The following RORB variants were observed in gnomAD, a reference collection of about 807,000 sequenced individuals.
The protein encoded by RORB is nuclear receptor ROR-beta.
RORB carries 6 observed loss-of-function variants against 59.1 expected under a neutral mutation model. The ratio of observed to expected loss-of-function variants is 0.10; its 90% CI spans 0.06 to 0.20. The LOEUF (loss-of-function observed/expected upper bound fraction) is 0.20, where lower values mean the gene tolerates loss of function less well. Ranked by LOEUF, RORB falls within the 10% of genes least tolerant of loss-of-function variation. RORB has a pLI of 1.00. For synonymous variants in RORB, 215 were observed against 204.5 expected, an observed-to-expected ratio of 1.05 and a Z score of -0.44; for missense variants, 320 against 560.5, an observed-to-expected ratio of 0.57 and a Z score of 4.33.
intron 1 of RORB, among the ~76,000 whole-genome samples, chr9:74,564,107 A>G (rs1011299446): frequency 1.3e-5 from 2 of 152,158 alleles, no homozygotes; most frequent in Non-Finnish European, 2.9e-5. Flanking sequence ...TATATAAAGA[A>G]TTCTAATCTA....
In RORB at chr9:74,691,743, G is replaced by A. The variant is rs768188737; in HGVS notation, c.*6125G>A. 6.6e-6 allele frequency: 1 copy of A among 152,050 alleles called. No homozygotes were observed. The highest frequency in any genetic ancestry group is 1.5e-5 in the Non-Finnish European group (1 of 68,006). 9.4% of individuals were successfully genotyped at this position (152,050 alleles called of 1,614,324 possible). A position where few individuals can be genotyped will look rare whatever the true frequency, so the allele number is the denominator to read the frequency against. Reference sequence around the variant, plus strand: ...AAATATGTACTTGCTTCCTTTCTGCGTGTTATGTACTTCTCAGTTTTTTAA... The same window carrying A: ...AAATATGTACTTGCTTCCTTTCTGCATGTTATGTACTTCTCAGTTTTTTAA... On this transcript the variant is annotated 3_prime_UTR_variant, in exon 10 of 10. Transcript: ENST00000376896.
chr9:74,606,475 T>C (rs1045846453), intron 1 of RORB, among the ~76,000 whole-genome samples: 2 of 152,238 alleles, frequency 1.3e-5, no homozygotes, highest in Non-Finnish European at 1.5e-5. Flanking sequence ...GGCTGTAAGA[T>C]GTCCCAGGAT....
intron 1 of RORB, among the ~76,000 whole-genome samples, chr9:74,505,329 A>G (rs1232396678): frequency 6.6e-6 from 1 of 152,212 alleles, no homozygotes; most frequent in East Asian, 1.9e-4. Context: ...AAATTAAGAT[A>G]TACTCTCAAG....
At chr9:74,575,653 T>A (rs1356750903) in intron 1 of RORB, among the ~76,000 whole-genome samples, 1 of 152,002 alleles carries the variant, frequency 6.6e-6, no homozygotes, top group Non-Finnish European at 1.5e-5. Context: ...TTAAAAAAAA[T>A]CTGACTACTA....
At chr9:74,576,712 T>A (rs1822641415) in intron 1 of RORB, among the ~76,000 whole-genome samples, 3 of 152,116 alleles carry the variant, frequency 2.0e-5, no homozygotes, top group Admixed American at 2.0e-4. Context: ...GCTTAGAAAA[T>A]GTTATTTTGA....
chr9:74,636,917 A>G (rs1823713003), intron 3 of RORB, among the ~76,000 whole-genome samples: 1 of 152,178 alleles, frequency 6.6e-6, no homozygotes, highest in African/African-American at 2.4e-5. Flanking sequence ...TGCCAAGTAA[A>G]TTATGCTAAT....
chr9:74,598,325 G>A (rs919308924), intron 1 of RORB, among the ~76,000 whole-genome samples: 2 of 151,876 alleles, frequency 1.3e-5, no homozygotes, highest in Non-Finnish European at 2.9e-5. Flanking sequence ...CCAAACACTG[G>A]GCAAAATCTA....
intron 8 of RORB, among the ~76,000 whole-genome samples, chr9:74,671,195 G>A (rs1463151889): frequency 6.6e-6 from 1 of 151,338 alleles, no homozygotes; most frequent in African/African-American, 2.4e-5. Flanking sequence ...AGGGAGAGAG[G>A]GTCTGAGGGA....
intron 1 of RORB, among the ~76,000 whole-genome samples, chr9:74,537,318 T>G (rs1321375855): frequency 1.3e-5 from 2 of 152,064 alleles, no homozygotes; most frequent in African/African-American, 4.8e-5. Context: ...GTATTAAGCA[T>G]CTGAAAGCAA....
At chr9:74,608,190 A>T (rs1453693648) in intron 1 of RORB, among the ~76,000 whole-genome samples, 4 of 152,202 alleles carry the variant, frequency 2.6e-5, no homozygotes, top group African/African-American at 9.6e-5. Context: ...TCTAACATCC[A>T]GATCTCTATT....
At chr9:74,573,135 C>T (rs1421163215) in intron 1 of RORB, among the ~76,000 whole-genome samples, 2 of 152,092 alleles carry the variant, frequency 1.3e-5, no homozygotes, top group Non-Finnish European at 2.9e-5. Flanking sequence ...AGTTTTCAAA[C>T]GTGTTTTTTT....
intron 1 of RORB, among the ~76,000 whole-genome samples, chr9:74,606,133 G>A (rs188880652): frequency 9.3e-4 from 142 of 152,228 alleles, no homozygotes; most frequent in African/African-American, 3.1e-3. Context: ...ATGAGATAAT[G>A]CATTTAAATC....
Position 74,671,773 on chromosome 9 carries a change from C to G in RORB, c.1112-16C>G, listed in dbSNP as rs766839461. ...AGTTGATGTTCCCTCCACTTACCCA[C>G]TCTTTCTTTCATCAGACCGAGCCTG... On this transcript the variant is annotated splice_polypyrimidine_tract_variant and intron_variant, in intron 8 of 9. Coordinates refer to ENST00000376896, the MANE Select transcript of RORB (RefSeq NM_006914.4). The G allele has an allele frequency of 3.4e-5, 53 of 1,556,498 alleles. No individual in the cohort carries two copies. In the Admixed American group the frequency reaches 9.0e-4, roughly 26 times the overall value.
chr9:74,551,033 G>A (rs1826600049), intron 1 of RORB, among the ~76,000 whole-genome samples: 1 of 151,846 alleles, frequency 6.6e-6, no homozygotes, highest in Non-Finnish European at 1.5e-5. Flanking sequence ...TTTTAATGCA[G>A]CTACTAAAAA....
At chr9:74,538,448 T>G (rs938855766) in intron 1 of RORB, among the ~76,000 whole-genome samples, 5 of 152,044 alleles carry the variant, frequency 3.3e-5, no homozygotes, top group Non-Finnish European at 7.4e-5. Context: ...AATAAAACTT[T>G]AGGATTTGAA....
At chr9:74,579,976 T>A (rs1225150143) in intron 1 of RORB, among the ~76,000 whole-genome samples, 1 of 152,224 alleles carries the variant, frequency 6.6e-6, no homozygotes, top group Non-Finnish European at 1.5e-5. Context: ...ACCACATTCA[T>A]ATAACTTTTT....
At position 74,505,054 on chromosome 9, in the gene RORB, T is replaced by C. The variant is rs185957798; in HGVS notation, c.7+7071T>C. Among the ~76,000 whole-genome samples the C allele has an allele frequency of 1.6e-4, 25 of 152,192 alleles. 1 individual carries two copies. The East Asian group carries it at 4.6e-3, about 28-fold the overall frequency. On this transcript the variant is annotated intron_variant, in intron 1 of 9. Transcript: ENST00000376896. The stretch of plus-strand genomic sequence containing the variant: ...GGTATTCTGAATTTAAGCACAAAAT[T>C]ATCCTTAAAAAAGAAACAGCAAGAG...
chr9:74,569,791 T>C (rs1426637296), intron 1 of RORB, among the ~76,000 whole-genome samples: 1 of 152,084 alleles, frequency 6.6e-6, no homozygotes, highest in Non-Finnish European at 1.5e-5. Flanking sequence ...CTAATACAAA[T>C]ATGCATTTCT....
chr9:74,566,194 C>T (rs1822465710), intron 1 of RORB, among the ~76,000 whole-genome samples: 2 of 152,038 alleles, frequency 1.3e-5, no homozygotes, highest in African/African-American at 4.8e-5. Context: ...AATCCATTAG[C>T]CCAAATATGC....
Sources: gnomAD v4.1 joint callset for allele counts (sites outside exome capture counted in the v4.1 genomes callset) on GRCh38, gnomAD v4.1.1 for gene constraint, MANE v1.5 for transcripts, NCBI Gene and HGNC (gene_info 2026-07-23, HGNC 2026-07-21) for gene names.